Variants in ITGA5 observed in about 807,000 individuals in gnomAD.
The protein encoded by ITGA5 is integrin alpha-5.
Under a neutral mutation model 146.3 loss-of-function variants are expected in ITGA5, and 55 were observed. The ratio of observed to expected loss-of-function variants is 0.38; its 90% confidence interval spans 0.30 to 0.47. The LOEUF is 0.47. ITGA5 is among the 20% of genes least tolerant of loss of function. ITGA5 has a pLI of 0.99. For missense variants in ITGA5, 1,131 were observed against 1,329.0 expected (o/e 0.85, Z 2.32); for synonymous variants, 500 against 531.8 (o/e 0.94, Z 0.82).
chr12:54,398,697 C>A lies in ITGA5; in HGVS notation c.2843G>T (p.Arg948Leu). Residue 948 changes from arginine (R) to leucine (L), a missense_variant and splice_region_variant, in exon 28 of 30, where the codon CGG (arginine) becomes CTG (leucine). Physicochemically the swap from Arg to Leu is moderately radical, Grantham distance 102. Coordinates refer to ENST00000293379, the MANE Select transcript of ITGA5 (RefSeq NM_002205.5). ...CTGCAGGCTAAATGGCTGGTGCTCC[C>A]GCTGTGGGTAGGGGAAAGTTGGTTA... is the stretch of plus-strand genomic sequence containing the variant. ...FRVWAKTFLQREHQPFSLQCE... is the reference protein window; with the variant it reads ...FRVWAKTFLQLEHQPFSLQCE... The A allele has an allele frequency of 6.3e-7, 1 of 1,597,048 alleles. No individual in the cohort carries two copies. The highest frequency in any genetic ancestry group is 8.5e-7 in the Non-Finnish European group (1 of 1,172,786).
rs780278136 is a variant in ITGA5 at position 54,402,288 on chromosome 12, G to A, written c.2025C>T (p.Asn675=). ...CCACATTCTGGGCATGGAAAGTGAGGTTCAGGGCATTCTTGTCACCCAGGT... is the reference window on the plus strand; with the variant it reads ...CCACATTCTGGGCATGGAAAGTGAGATTCAGGGCATTCTTGTCACCCAGGT... The part of the protein sequence containing the change: ...HVYLGDKNAL[N]LTFHAQNVGE... Residue 675 remains asparagine, a synonymous_variant, in exon 20 of 30, where the codon AAC becomes AAT. Transcript: ENST00000293379. 3.1e-6 allele frequency: 5 copies of A among 1,614,156 alleles called. No individual in the cohort carries two copies. The East Asian group carries it at 6.7e-5, about 22-fold the overall frequency.
At chr12:54,402,950 G>A (rs1565640012) in intron 19 of ITGA5, 33 bp downstream of exon 19, 7 of 1,597,894 alleles carry the variant, frequency 4.4e-6, no homozygotes, top group Non-Finnish European at 5.1e-6. Context: ...AGGTGCACCT[G>A]GAGCTCCCTA....
At chr12:54,402,683 A>T (rs1050144327) in intron 19 of ITGA5, among the ~76,000 whole-genome samples, 1 of 151,702 alleles carries the variant, frequency 6.6e-6, no homozygotes, top group African/African-American at 2.4e-5. Context: ...CTGGGTGACA[A>T]GGGCATGACT....
At chr12:54,404,641 A>C in intron 13 of ITGA5, 62 bp downstream of exon 13, 2 of 1,521,688 alleles carry the variant, frequency 1.3e-6, no homozygotes, top group African/African-American at 1.4e-5. Context: ...GGTGCAGAAG[A>C]GAGAGTAGGG....
In ITGA5 at chr12:54,403,220, T is replaced by C. The variant is rs761242632; in HGVS notation, c.1881A>G (p.Leu627=). Residue 627 remains leucine (L), a synonymous_variant, in exon 18 of 30, where the codon CTA becomes CTG. Transcript: ENST00000293379. This position sits in a 1 kb window ranked among gnomAD's most constrained non-coding sequence, Gnocchi z 4.9. ...CTATCCGGCTCTTGCTCTGATAATGTAGGGCTGGCCTGAGGCCGTGGCTGT... is the reference window on the plus strand; with the variant it reads ...CTATCCGGCTCTTGCTCTGATAATGCAGGGCTGGCCTGAGGCCGTGGCTGT... ...PVDSHGLRPA[L]HYQSKSRIED... 2.6e-6 allele frequency: 4 copies of C among 1,566,864 alleles called. No individual in the cohort carries two copies. The highest frequency in any genetic ancestry group is 3.5e-6 in the Non-Finnish European group (4 of 1,158,122).
At position 54,398,907 on chromosome 12, in the gene ITGA5, T is replaced by A. The variant is rs1269299161; in HGVS notation, c.2842-209A>T. On this transcript the variant is annotated intron_variant, in intron 27 of 29. Transcript: ENST00000293379. ...CAGGCTGGAGTGCAGTGGTGTGGGC[T>A]TAGGTCACTGCAACCTCCACCTCCT... The A allele has an allele frequency of 6.7e-6, 3 of 449,670 alleles. No homozygotes were observed. In the East Asian group the frequency reaches 1.3e-4, roughly 19 times the overall value. The allele number at this position is 449,670 out of a possible 1,614,324, so 27.9% of individuals were successfully genotyped here.
At chr12:54,398,780 G>T in intron 27 of ITGA5, 82 bp from the exon 28 acceptor site, 1 of 768,872 alleles carries the variant, frequency 1.3e-6, no homozygotes, top group Non-Finnish European at 2.0e-6. Context: ...GGCTGGGGTT[G>T]TGATCTTTCC....
In ITGA5 at chr12:54,404,131, G is replaced by C; in HGVS notation, c.1565+14C>G. On this transcript the variant is annotated intron_variant, in intron 15 of 29. Coordinates refer to ENST00000293379, the MANE Select transcript of ITGA5 (RefSeq NM_002205.5). ...CAGGCTCAGGTCTCTGCAATTTCCT[G>C]GGCACCAGCTCACCAGGCCACAGGG... 6.3e-7 allele frequency: 1 copy of C among 1,574,838 alleles called. No homozygotes were observed. Among genetic ancestry groups the C allele is most frequent in the Non-Finnish European group, 8.6e-7 (1 of 1,158,980 alleles).
Position 54,395,575 on chromosome 12 carries a change from G to T in ITGA5, c.*718C>A, listed in dbSNP as rs900759123. The T allele has an allele frequency of 2.0e-5, 3 of 152,488 alleles. No homozygotes were observed. Among genetic ancestry groups the T allele is most frequent in the Non-Finnish European group, 4.4e-5 (3 of 68,046 alleles). 9.4% of individuals were successfully genotyped at this position (152,488 alleles called of 1,614,324 possible). On this transcript the variant is annotated 3_prime_UTR_variant, in exon 30 of 30. Coordinates refer to ENST00000293379, the MANE Select transcript of ITGA5 (RefSeq NM_002205.5). ...GGGTGAACTGGGCCTCCAGGATCAGGTCTGGAGCAGGCCCAAATATAGTCC... is the reference window on the plus strand; with the variant it reads ...GGGTGAACTGGGCCTCCAGGATCAGTTCTGGAGCAGGCCCAAATATAGTCC...
chr12:54,401,873 G>A lies in ITGA5; in HGVS notation c.2227-18C>T, dbSNP rs759437283. The A allele has an allele frequency of 4.0e-5, 64 of 1,612,574 alleles. 2 individuals are homozygous for A. In the Admixed American group the frequency reaches 6.2e-4, roughly 16 times the overall value. On this transcript the variant is annotated intron_variant, in intron 21 of 29. Coordinates refer to ENST00000293379, the MANE Select transcript of ITGA5 (RefSeq NM_002205.5). This position sits in a 1 kb window ranked among gnomAD's most constrained non-coding sequence, Gnocchi z 5.0. ...CCCCACAGCTGGGGACAGAAAAAGA[G>A]GAAAAGAGGGCAGTTAGACTGTGTA... is the stretch of plus-strand genomic sequence containing the variant.
chr12:54,400,064 C>G, intron 25 of ITGA5, 117 bp from the exon 26 acceptor site: 1 of 731,002 alleles, frequency 1.4e-6, no homozygotes, highest in Admixed American at 2.1e-5. Flanking sequence ...ATTGATTCAT[C>G]CAACTGTCCA....
intron 15 of ITGA5, 68 bp from the exon 16 acceptor site, chr12:54,404,034 C>T: frequency 6.3e-7 from 1 of 1,582,592 alleles, no homozygotes. Flanking sequence ...CTACCTATCT[C>T]CCAGCCAGAC....
At chr12:54,418,209 C>A (rs1462832878) in intron 1 of ITGA5, among the ~76,000 whole-genome samples, 1 of 152,044 alleles carries the variant, frequency 6.6e-6, no homozygotes, top group Non-Finnish European at 1.5e-5. Flanking sequence ...GCCCACCCCC[C>A]TTCACGCGCG....
In ITGA5 at chr12:54,402,165, A is replaced by G; in HGVS notation, c.2133+15T>C. On this transcript the variant is annotated intron_variant, in intron 20 of 29. Coordinates refer to ENST00000293379, the MANE Select transcript of ITGA5 (RefSeq NM_002205.5). ...GGGGTATCCTCCCAAATCCCACTCG[A>G]GAGTCTCATCTCACCCCTGGGTGTC... 1 of 1,613,264 alleles carries G rather than the reference A, an allele frequency of 6.2e-7. No individual in the cohort carries two copies.
Position 54,404,719 on chromosome 12 carries a change from A to G in ITGA5, c.1401T>C (p.Asp467=), listed in dbSNP as rs1955838516. 1 of 1,613,998 alleles carries G rather than the reference A, an allele frequency of 6.2e-7. No individual in the cohort carries two copies. Among genetic ancestry groups the G allele is most frequent in the East Asian group, 2.2e-5 (1 of 44,882 alleles). ...ACAACTCACCAGGATATCCATTGCCATCCAGGTCTCGGCCTCCTCGAAGGG... is the reference window on the plus strand; with the variant it reads ...ACAACTCACCAGGATATCCATTGCCGTCCAGGTCTCGGCCTCCTCGAAGGG... ...GSALRGGRDL[D]GNGYPDLIVG... is the part of the protein sequence containing the mutation. Residue 467 remains aspartate, a synonymous_variant, in exon 13 of 30, where the codon GAT becomes GAC. Coordinates refer to ENST00000293379, the MANE Select transcript of ITGA5 (RefSeq NM_002205.5).
At chr12:54,404,665 G>C (rs1291058581) in intron 13 of ITGA5, 38 bp downstream of exon 13, 1 of 1,578,992 alleles carries the variant, frequency 6.3e-7, no homozygotes, top group Admixed American at 1.7e-5. Context: ...AGTGACCAGG[G>C]AATTTTAAGG....
rs760828745 is a variant in ITGA5, at chr12:54,396,522, C to G, written c.3067-146G>C. On this transcript the variant is annotated intron_variant, in intron 29 of 29. Coordinates refer to ENST00000293379, the MANE Select transcript of ITGA5 (RefSeq NM_002205.5). Reference sequence around the variant, plus strand: ...GCCTCTGAATTCAGGCTAGGACTACCCCTCTAAGTTGTGCAATGGACCCAG... The same window carrying G: ...GCCTCTGAATTCAGGCTAGGACTACGCCTCTAAGTTGTGCAATGGACCCAG... 10 of 650,812 alleles carry G rather than the reference C, an allele frequency of 1.5e-5. No individual in the cohort carries two copies. The African/African-American group carries it at 1.8e-4, about 12-fold the overall frequency. 40.3% of individuals were successfully genotyped at this position (650,812 alleles called of 1,614,324 possible). A position where few individuals can be genotyped will look rare whatever the true frequency, so the allele number is the denominator to read the frequency against.
intron 9 of ITGA5, 156 bp from the exon 10 acceptor site, chr12:54,406,082 C>T (rs1424719565): frequency 4.5e-6 from 3 of 670,074 alleles, no homozygotes; most frequent in Non-Finnish European, 8.1e-6. Context: ...ATATTCCCAC[C>T]TCTATGCCAG....
rs372809434 is a variant in ITGA5 at position 54,409,578 on chromosome 12, G to A, written c.369C>T (p.Ser123=). The A allele has an allele frequency of 5.0e-6, 8 of 1,612,980 alleles. No individual in the cohort carries two copies. The African/African-American group carries it at 1.1e-4, about 22-fold the overall frequency. The change falls in exon 3 of 30, where the codon TCC becomes TCT. Residue 123 remains serine (S), a synonymous_variant. Transcript: ENST00000293379. The surrounding 1 kb of genome is among the most constrained non-coding windows in gnomAD (Gnocchi z 4.7). The part of the protein sequence containing the change: ...FDSKGSRLLE[S]SLSSSEGEEP... ...CCTCTCCCTCTGAGCTGGACAGTGAGGACTCCAGGAGCCGAGAGCCTTGTG... is the reference window on the plus strand; with the variant it reads ...CCTCTCCCTCTGAGCTGGACAGTGAAGACTCCAGGAGCCGAGAGCCTTGTG...
Sources: gnomAD v4.1 joint callset for allele counts (sites outside exome capture counted in the v4.1 genomes callset) on GRCh38, gnomAD v4.1.1 for gene constraint, Gnocchi (gnomAD v3.1) non-coding constraint, MANE v1.5 for transcripts, NCBI Gene and HGNC (gene_info 2026-07-23, HGNC 2026-07-21) for gene names.